The following SLIT3 variants were observed in gnomAD, a reference collection of about 807,000 sequenced individuals.
SLIT3 encodes slit guidance ligand 3.
Under a neutral mutation model 184.0 loss-of-function variants are expected in SLIT3, and 68 were observed. The observed-to-expected ratio is 0.37, with a 90% CI of 0.30 to 0.45. The LOEUF (loss-of-function observed/expected upper bound fraction) is 0.45, where lower values mean the gene tolerates loss of function less well. SLIT3 is among the 20% of genes least tolerant of loss of function. The probability of loss-of-function intolerance (pLI) is 1.00; values close to 1 mark genes in which losing one functional copy is unlikely to be tolerated. For missense variants in SLIT3, 1,707 were observed against 2,026.0 expected, an observed-to-expected ratio of 0.84 and a Z score of 3.02; for synonymous variants, 831 against 828.6, an observed-to-expected ratio of 1.00 and a Z score of -0.05.
At position 168,877,367 on chromosome 5, in the gene SLIT3, G is replaced by GA. The variant is rs888412041; in HGVS notation, c.485+5897dup. On this transcript the variant is annotated intron_variant, in intron 5 of 35. Transcript: ENST00000519560. ...AGCAAGTGCAAAGGTCCTGGGGCAG[G>GA]AAGGAGCTTGGGGTGTTCAGGGAAT... Among the ~76,000 whole-genome samples the GA allele has an allele frequency of 2.2e-4, 34 of 152,278 alleles. 1 individual carries two copies. Among genetic ancestry groups the GA allele is most frequent in the African/African-American group, 7.7e-4 (32 of 41,546 alleles).
chr5:169,006,599 T>C (rs886841831), intron 4 of SLIT3, among the ~76,000 whole-genome samples: 1 of 149,028 alleles, frequency 6.7e-6, no homozygotes, highest in African/African-American at 2.5e-5. Context: ...TCTCTCTCTC[T>C]CTCTCTCACA....
chr5:169,087,112 C>G (rs1759334340), intron 4 of SLIT3, among the ~76,000 whole-genome samples: 1 of 152,218 alleles, frequency 6.6e-6, no homozygotes, highest in Non-Finnish European at 1.5e-5. Flanking sequence ...TCCCGGCATG[C>G]TATTTTGTGT....
chr5:169,065,396 G>A (rs1581368637), intron 4 of SLIT3, among the ~76,000 whole-genome samples: 1 of 152,256 alleles, frequency 6.6e-6, no homozygotes, highest in East Asian at 1.9e-4. Context: ...ACAGAGCAGA[G>A]CCCAAGGTCC....
At chr5:168,989,944 G>C (rs1315260486) in intron 4 of SLIT3, among the ~76,000 whole-genome samples, 1 of 152,190 alleles carries the variant, frequency 6.6e-6, no homozygotes, top group Non-Finnish European at 1.5e-5. Context: ...GCACATTATA[G>C]TCAAGAGGTT....
chr5:169,094,672 A>G (rs1455796130), intron 4 of SLIT3, among the ~76,000 whole-genome samples: 1 of 152,204 alleles, frequency 6.6e-6, no homozygotes, highest in Non-Finnish European at 1.5e-5. Context: ...TGCCCCCTCC[A>G]AATGTACTAC....
chr5:168,753,536 C>G (rs1754789899), intron 17 of SLIT3, among the ~76,000 whole-genome samples: 1 of 152,150 alleles, frequency 6.6e-6, no homozygotes, highest in East Asian at 1.9e-4. Context: ...GGTCCTTATG[C>G]TTATGTTTGT....
At chr5:169,006,176 G>A (rs1345305799) in intron 4 of SLIT3, among the ~76,000 whole-genome samples, 2 of 152,312 alleles carry the variant, frequency 1.3e-5, no homozygotes, top group East Asian at 1.9e-4. Context: ...CTGTAATTCA[G>A]GGCCTTGCAG....
chr5:168,811,078 C>T (rs1757142427), intron 8 of SLIT3, among the ~76,000 whole-genome samples: 1 of 152,096 alleles, frequency 6.6e-6, no homozygotes, highest in South Asian at 2.1e-4. Context: ...AAGGTCCTAA[C>T]TTGCCTGCTG....
chr5:168,924,491 A>AGG (rs1761744381), intron 4 of SLIT3, among the ~76,000 whole-genome samples: 1 of 142,954 alleles, frequency 7.0e-6, no homozygotes, highest in Non-Finnish European at 1.5e-5. Context: ...AGGGTGTGTA[A>AGG]GGGTGTGTGT....
At chr5:168,800,773 AT>A (rs1284327613) in intron 9 of SLIT3, among the ~76,000 whole-genome samples, 1 of 152,134 alleles carries the variant, frequency 6.6e-6, no homozygotes, top group East Asian at 1.9e-4. Context: ...ACAGAGCCAG[AT>A]TTGCTTTGCT....
At chr5:168,950,657 TTC>T (rs1159688987) in intron 4 of SLIT3, among the ~76,000 whole-genome samples, 4 of 152,354 alleles carry the variant, frequency 2.6e-5, no homozygotes, top group South Asian at 4.1e-4. Context: ...TTTGCTGAAC[TTC>T]TGTTACAAAA....
At chr5:169,070,482 C>T (rs1201300119) in intron 4 of SLIT3, among the ~76,000 whole-genome samples, 5 of 152,178 alleles carry the variant, frequency 3.3e-5, no homozygotes, top group Non-Finnish European at 2.9e-5. Context: ...TCAGCTAAAA[C>T]TCTCACCAGG....
chr5:169,216,611 G>A (rs575983033), intron 3 of SLIT3, among the ~76,000 whole-genome samples: 1 of 152,264 alleles, frequency 6.6e-6, no homozygotes, highest in South Asian at 2.1e-4. Context: ...AGAACGTGCT[G>A]TAATGTTAAA....
chr5:168,670,185 G>A, intron 34 of SLIT3, among the ~76,000 whole-genome samples, 194 bp from the exon 35 acceptor site: 1 of 152,238 alleles, frequency 6.6e-6, no homozygotes, highest in South Asian at 2.1e-4. Context: ...AAGCCTGCGA[G>A]TGTCACCCAG....
intron 4 of SLIT3, among the ~76,000 whole-genome samples, chr5:168,891,768 T>C (rs1003459031): frequency 1.3e-5 from 2 of 152,250 alleles, no homozygotes; most frequent in African/African-American, 4.8e-5. Flanking sequence ...AGGTTTGCTC[T>C]GTGACTAGTT....
At chr5:169,185,933 G>T (rs1401519942) in intron 4 of SLIT3, among the ~76,000 whole-genome samples, 3 of 152,176 alleles carry the variant, frequency 2.0e-5, no homozygotes, top group Non-Finnish European at 4.4e-5. Context: ...GTGACCTTGG[G>T]CAAGCTGTCT....
intron 16 of SLIT3, among the ~76,000 whole-genome samples, chr5:168,754,568 A>T (rs945874663): frequency 6.6e-6 from 1 of 152,222 alleles, no homozygotes; most frequent in Non-Finnish European, 1.5e-5. Context: ...TGACAGTCAC[A>T]GTAGGGTGAC....
intron 1 of SLIT3, among the ~76,000 whole-genome samples, chr5:169,265,686 A>AC (rs1474176576): frequency 6.6e-6 from 1 of 152,056 alleles, no homozygotes; most frequent in Non-Finnish European, 1.5e-5. Context: ...CACAGTACCT[A>AC]CCTCCTAGGA....
chr5:168,858,199 A>G (rs994715709), intron 5 of SLIT3, among the ~76,000 whole-genome samples: 4 of 152,198 alleles, frequency 2.6e-5, no homozygotes, highest in African/African-American at 9.6e-5. Flanking sequence ...TGAAGGAGGA[A>G]GAGGAGAAAG....
Sources: allele counts gnomAD v4.1 joint callset (sites outside exome capture counted in the v4.1 genomes callset), GRCh38; gene constraint gnomAD v4.1.1; transcripts MANE v1.5; gene names NCBI Gene and HGNC (gene_info 2026-07-23, HGNC 2026-07-21).